The following MTNAP1 variants were observed in gnomAD, a reference collection of about 807,000 sequenced individuals.
MTNAP1 encodes mitochondrial nucleoid associated protein 1, also known as mitochondrial nucleoid-associated protein 1.
chr17:73,237,743 T>C, the MTNAP1 span, among the ~76,000 whole-genome samples: 1 of 151,838 alleles, frequency 6.6e-6, no homozygotes, highest in Non-Finnish European at 1.5e-5. Flanking sequence ...AAATAGGTTC[T>C]AGGTTTCAGG....
At chr17:73,235,289 T>C in the MTNAP1 span, among the ~76,000 whole-genome samples, 14 of 152,216 alleles carry the variant, frequency 9.2e-5, no homozygotes, top group Non-Finnish European at 1.6e-4. Context: ...CATTCTGTCC[T>C]TGAATAACGT....
the MTNAP1 span, among the ~76,000 whole-genome samples, chr17:73,246,435 T>C: frequency 9.2e-5 from 14 of 152,014 alleles, no homozygotes; most frequent in East Asian, 1.9e-4. Context: ...ACTCAGGAGG[T>C]TGAGGCAGGA....
the MTNAP1 span, chr17:73,244,522 C>T: frequency 7.2e-6 from 1 of 138,716 alleles, no homozygotes; most frequent in African/African-American, 2.7e-5. Flanking sequence ...GAGATCGCGC[C>T]ACTACTCCAG....
the MTNAP1 span, chr17:73,245,173 C>T: frequency 6.2e-7 from 1 of 1,613,506 alleles, no homozygotes; most frequent in East Asian, 2.2e-5. Flanking sequence ...CAAAGAGCTG[C>T]AGCGGTGGCG....
chr17:73,236,623 A>G, the MTNAP1 span: 2 of 1,614,156 alleles, frequency 1.2e-6, no homozygotes, highest in Non-Finnish European at 1.7e-6. Context: ...CTCTCTAGCT[A>G]CAACATTTCT....
At chr17:73,236,787 C>G in the MTNAP1 span, 1 of 1,614,144 alleles carries the variant, frequency 6.2e-7, no homozygotes, top group Non-Finnish European at 8.5e-7. Flanking sequence ...TATGTTCAGC[C>G]CAGCGTCACA....
the MTNAP1 span, chr17:73,242,435 A>G: frequency 1.1e-6 from 1 of 878,942 alleles, no homozygotes. Flanking sequence ...AAGCAAGGCT[A>G]AAGAGGAGAG....
the MTNAP1 span, among the ~76,000 whole-genome samples, chr17:73,240,946 A>C: frequency 6.6e-6 from 1 of 152,102 alleles, no homozygotes. Context: ...GGAAGCCAGC[A>C]TGATTCTTTT....
chr17:73,244,881 A>G, the MTNAP1 span, among the ~76,000 whole-genome samples: 1 of 151,852 alleles, frequency 6.6e-6, no homozygotes, highest in Non-Finnish European at 1.5e-5. Context: ...GAGGAAAAGA[A>G]GTGCCTTTCT....
the MTNAP1 span, chr17:73,243,225 G>C: frequency 1.9e-6 from 1 of 530,880 alleles, no homozygotes; most frequent in Non-Finnish European, 3.5e-6. Context: ...CACGATCTCA[G>C]CTCACTGCAA....
the MTNAP1 span, chr17:73,247,307 C>G: frequency 2.5e-6 from 4 of 1,614,030 alleles, no homozygotes; most frequent in Non-Finnish European, 3.4e-6. Flanking sequence ...GCGAAGACGA[C>G]TGGGGATTGC....
the MTNAP1 span, chr17:73,236,243 G>T: frequency 1.9e-5 from 30 of 1,614,090 alleles, no homozygotes; most frequent in Non-Finnish European, 2.5e-5. Flanking sequence ...GATTCCAAAG[G>T]CAGGGATCAC....
chr17:73,235,473 C>G, the MTNAP1 span: 2 of 1,586,578 alleles, frequency 1.3e-6, no homozygotes, highest in African/African-American at 1.4e-5. Flanking sequence ...TTACCTTTTT[C>G]AGGAATAGGA....
the MTNAP1 span, among the ~76,000 whole-genome samples, chr17:73,240,838 T>C: frequency 3.3e-5 from 5 of 150,910 alleles, no homozygotes; most frequent in African/African-American, 1.2e-4. Context: ...GTTGTCTCTT[T>C]ACACCGTTTT....
the MTNAP1 span, among the ~76,000 whole-genome samples, chr17:73,233,915 T>C: frequency 6.6e-6 from 1 of 152,136 alleles, no homozygotes; most frequent in East Asian, 1.9e-4. Context: ...AAATGATTAC[T>C]GTAATCTGTT....
chr17:73,237,016 T>A, the MTNAP1 span: 1 of 1,521,932 alleles, frequency 6.6e-7, no homozygotes, highest in Non-Finnish European at 8.8e-7. Flanking sequence ...TTATTTTCAA[T>A]TGCCATCTGT....
chr17:73,240,203 T>C, the MTNAP1 span, among the ~76,000 whole-genome samples: 4 of 152,318 alleles, frequency 2.6e-5, no homozygotes, highest in South Asian at 4.1e-4. Flanking sequence ...TTCCAAATAG[T>C]GGTGAGAAAC....
At chr17:73,241,892 G>A in the MTNAP1 span, among the ~76,000 whole-genome samples, 1 of 152,156 alleles carries the variant, frequency 6.6e-6, no homozygotes, top group Non-Finnish European at 1.5e-5. Flanking sequence ...TCATGCCACT[G>A]CACTCCAGCC....
chr17:73,232,584 T>G, the MTNAP1 span: 1 of 375,342 alleles, frequency 2.7e-6, no homozygotes, highest in African/African-American at 2.1e-5. Flanking sequence ...TAACATATTT[T>G]AAAACAGGCG....
Sources: allele counts gnomAD v4.1 joint callset (sites outside exome capture counted in the v4.1 genomes callset), GRCh38; gene constraint gnomAD v4.1.1; transcripts MANE v1.5; gene names NCBI Gene and HGNC (gene_info 2026-07-23, HGNC 2026-07-21).